The following KIAA1549L variants were observed in gnomAD, a reference collection of about 807,000 sequenced individuals.
KIAA1549L encodes the protein UPF0606 protein KIAA1549L.
A neutral mutation model predicts 160.7 loss-of-function variants in KIAA1549L; 88 were observed. The ratio of observed to expected loss-of-function variants is 0.55; its 90% CI spans 0.46 to 0.65. KIAA1549L has a LOEUF of 0.65. Ranked by LOEUF, KIAA1549L falls within the 30% of genes least tolerant of loss-of-function variation. KIAA1549L has a pLI of 0.00. For missense variants in KIAA1549L, 2,258 were observed against 2,437.5 expected (o/e 0.93, Z 1.55); for synonymous variants, 950 against 976.7 (o/e 0.97, Z 0.51).
At chr11:33,446,482 T>C (rs1483723564) in intron 1 of KIAA1549L, among the ~76,000 whole-genome samples, 1 of 152,180 alleles carries the variant, frequency 6.6e-6, no homozygotes, top group African/African-American at 2.4e-5. Flanking sequence ...TGTAACAAAT[T>C]ACCCAACACT....
chr11:33,500,069 G>C (rs752477865), intron 1 of KIAA1549L, among the ~76,000 whole-genome samples: 1 of 152,100 alleles, frequency 6.6e-6, no homozygotes, highest in African/African-American at 2.4e-5. Flanking sequence ...TTAGTGTTCT[G>C]TTGCCTTCTA....
chr11:33,545,245 C>T lies in KIAA1549L; in HGVS notation c.3252C>T (p.Ala1084=). The T allele has an allele frequency of 1.2e-6, 2 of 1,614,046 alleles. No individual in the cohort carries two copies. The highest frequency in any genetic ancestry group is 1.3e-5 in the African/African-American group (1 of 75,052). ...CATCCATTACAGCCTCAGTGAAGGC[C>T]ACCCGGTTGCCACCATTGCGAGCAG... is the stretch of plus-strand genomic sequence containing the variant. ...ALTSITASVK[A]TRLPPLRAEN... is the part of the protein sequence containing the mutation. The change falls in exon 3 of 21, where the codon GCC becomes GCT. Residue 1084 remains alanine, a synonymous_variant. Transcript: ENST00000658780.
intron 1 of KIAA1549L, among the ~76,000 whole-genome samples, chr11:33,511,311 G>C (rs1374361897): frequency 6.6e-6 from 1 of 152,144 alleles, no homozygotes; most frequent in Non-Finnish European, 1.5e-5. Context: ...ATTATCCCTA[G>C]TAAACCCTTC....
At chr11:33,457,991 A>G (rs533463176) in intron 1 of KIAA1549L, among the ~76,000 whole-genome samples, 11 of 152,256 alleles carry the variant, frequency 7.2e-5, no homozygotes, top group African/African-American at 2.4e-4. Flanking sequence ...GTCTGCTTCC[A>G]TGGCCTGTGT....
chr11:33,617,213 C>T (rs1215076006), intron 15 of KIAA1549L, among the ~76,000 whole-genome samples: 1 of 151,682 alleles, frequency 6.6e-6, no homozygotes. Flanking sequence ...CACAGGGAGA[C>T]TTATAGCTGG....
intron 1 of KIAA1549L, among the ~76,000 whole-genome samples, chr11:33,488,222 A>G (rs1852574150): frequency 6.6e-6 from 1 of 152,238 alleles, no homozygotes; most frequent in Non-Finnish European, 1.5e-5. Flanking sequence ...AGTGTTAAGA[A>G]AATGAATAAT....
Position 33,442,623 on chromosome 11 carries a change from T to C in KIAA1549L, c.238+65734T>C, listed in dbSNP as rs569810193. 6.6e-5 allele frequency among the ~76,000 whole-genome samples: 10 copies of C among 152,348 alleles called. No individual in the cohort carries two copies. In the South Asian group the frequency reaches 1.9e-3, roughly 28 times the overall value. ...TTTTGCTTTCTTCAGTTTCACTAAA[T>C]GTTGAAAATTTTAATGTCTAGATAC... On this transcript the variant is annotated intron_variant, in intron 1 of 20. Coordinates refer to ENST00000658780, the MANE Select transcript of KIAA1549L (RefSeq NM_012194.3).
At chr11:33,442,231 A>G (rs952274562) in intron 1 of KIAA1549L, among the ~76,000 whole-genome samples, 3 of 152,176 alleles carry the variant, frequency 2.0e-5, no homozygotes, top group Non-Finnish European at 4.4e-5. Flanking sequence ...AGATAGTTGT[A>G]GATATGCGGC....
chr11:33,640,864 G>T (rs958268124), intron 16 of KIAA1549L, among the ~76,000 whole-genome samples: 2 of 152,158 alleles, frequency 1.3e-5, no homozygotes, highest in Admixed American at 1.3e-4. Context: ...AGCTTTTCAA[G>T]AATAGGAAGT....
intron 1 of KIAA1549L, among the ~76,000 whole-genome samples, chr11:33,431,696 A>G (rs1590239479): frequency 6.6e-6 from 1 of 152,238 alleles, no homozygotes; most frequent in Non-Finnish European, 1.5e-5. Context: ...TGGATCCCGC[A>G]CCGGGGCTGC....
At chr11:33,616,350 G>A (rs1285460439) in intron 15 of KIAA1549L, among the ~76,000 whole-genome samples, 1 of 152,102 alleles carries the variant, frequency 6.6e-6, no homozygotes, top group Non-Finnish European at 1.5e-5. Context: ...AGTTTCCCTA[G>A]CAAAAGCCCT....
chr11:33,618,246 C>G (rs1334917784), intron 15 of KIAA1549L, among the ~76,000 whole-genome samples: 1 of 152,172 alleles, frequency 6.6e-6, no homozygotes, highest in Non-Finnish European at 1.5e-5. Context: ...GTCTTGCCAT[C>G]AGCAGAATTT....
chr11:33,531,253 C>A (rs1416993838), intron 1 of KIAA1549L, among the ~76,000 whole-genome samples: 1 of 152,084 alleles, frequency 6.6e-6, no homozygotes, highest in African/African-American at 2.4e-5. Context: ...GCAGGTGGAT[C>A]TTTGAGGTCA....
intron 1 of KIAA1549L, among the ~76,000 whole-genome samples, chr11:33,512,712 C>A (rs1310969638): frequency 6.6e-6 from 1 of 152,180 alleles, no homozygotes; most frequent in Non-Finnish European, 1.5e-5. Flanking sequence ...TGAGCCATTG[C>A]GCCCGGCCCC....
At chr11:33,547,235 C>G (rs544757067) in intron 3 of KIAA1549L, among the ~76,000 whole-genome samples, 2 of 152,364 alleles carry the variant, frequency 1.3e-5, no homozygotes, top group Admixed American at 1.3e-4. Flanking sequence ...CATCCCTTTA[C>G]CAAACTCAGG....
At chr11:33,477,287 T>C (rs1035009803) in intron 1 of KIAA1549L, among the ~76,000 whole-genome samples, 1 of 152,056 alleles carries the variant, frequency 6.6e-6, no homozygotes, top group African/African-American at 2.4e-5. Flanking sequence ...TTTGGAACAC[T>C]GGGTGGGGAG....
intron 1 of KIAA1549L, among the ~76,000 whole-genome samples, chr11:33,513,704 T>C (rs1032858490): frequency 6.6e-6 from 1 of 152,212 alleles, no homozygotes; most frequent in African/African-American, 2.4e-5. Context: ...ATCTGACGGC[T>C]GTGAGGCCAG....
chr11:33,563,524 A>G (rs527656734), intron 8 of KIAA1549L, among the ~76,000 whole-genome samples: 1 of 152,220 alleles, frequency 6.6e-6, no homozygotes, highest in African/African-American at 2.4e-5. Flanking sequence ...CAAGCAGCAG[A>G]TGGGCTGCTG....
intron 1 of KIAA1549L, among the ~76,000 whole-genome samples, chr11:33,418,669 T>C (rs1329454701): frequency 2.0e-5 from 3 of 152,144 alleles, no homozygotes; most frequent in Admixed American, 1.3e-4. Flanking sequence ...TCTTCTGTAG[T>C]TCAGGAAAGT....
Sources: gnomAD v4.1 joint callset for allele counts (sites outside exome capture counted in the v4.1 genomes callset) on GRCh38, gnomAD v4.1.1 for gene constraint, MANE v1.5 for transcripts, NCBI Gene and HGNC (gene_info 2026-07-23, HGNC 2026-07-21) for gene names.